CLOCK: variants seen among roughly 807,000 people sequenced by gnomAD.
CLOCK encodes clock circadian regulator, also known as circadian locomoter output cycles protein kaput.
Under a neutral mutation model 118.4 loss-of-function variants are expected in CLOCK, and 43 were observed. That is an observed-to-expected ratio of 0.36 (90% CI 0.28 to 0.47). The LOEUF (loss-of-function observed/expected upper bound fraction) is 0.47, where lower values mean the gene tolerates loss of function less well. CLOCK is among the 20% of genes least tolerant of loss of function. The pLI is 1.00. For missense variants in CLOCK, 846 were observed against 999.9 expected (o/e 0.85, Z 2.08); for synonymous variants, 326 against 339.2 (o/e 0.96, Z 0.43).
intron 1 of CLOCK, among the ~76,000 whole-genome samples, chr4:55,519,479 G>T (rs935496459): frequency 6.6e-6 from 1 of 152,136 alleles, no homozygotes. Flanking sequence ...CATAGTAGAG[G>T]CAGATCTTAA....
At chr4:55,488,029 T>C (rs1452357709) in intron 3 of CLOCK, among the ~76,000 whole-genome samples, 1 of 152,186 alleles carries the variant, frequency 6.6e-6, no homozygotes, top group Non-Finnish European at 1.5e-5. Flanking sequence ...CACTCTTAAT[T>C]AGGCTTTCAT....
Position 55,435,364 on chromosome 4 carries a change from T to C in CLOCK, c.*51A>G, listed in dbSNP as rs1722795813. On this transcript the variant is annotated 3_prime_UTR_variant, in exon 23 of 23. Transcript: ENST00000513440. Reference sequence around the variant, plus strand: ...TTTCCTCAGGTCATCTGAGTAACTCTTAATGGGCCATCCCCTTCCTCCCTT... The same window carrying C: ...TTTCCTCAGGTCATCTGAGTAACTCCTAATGGGCCATCCCCTTCCTCCCTT... 1.2e-6 allele frequency: 2 copies of C among 1,606,162 alleles called. No individual in the cohort carries two copies. Among genetic ancestry groups the C allele is most frequent in the Non-Finnish European group, 1.7e-6 (2 of 1,173,564 alleles).
In CLOCK at chr4:55,545,617, TG is replaced by T. The variant is rs138761939; in HGVS notation, c.-290+1164del. ...AATAGCAGGAAACCACAATCTGATT[TG>T]ATCTTTCATCTGCCAGGTCAGAGAC... On this transcript the variant is annotated intron_variant, in intron 1 of 22. Coordinates refer to ENST00000513440, the MANE Select transcript of CLOCK (RefSeq NM_004898.4). 8 of 152,348 alleles carry T rather than the reference TG, an allele frequency of 5.3e-5. No individual in the cohort carries two copies. The East Asian group carries it at 1.5e-3, about 29-fold the overall frequency. The allele number at this position is 152,348 out of a possible 1,614,324, so 9.4% of individuals were successfully genotyped here. A position where few individuals can be genotyped will look rare whatever the true frequency, so the allele number is the denominator to read the frequency against.
At chr4:55,489,026 T>C (rs2109939891) in intron 3 of CLOCK, among the ~76,000 whole-genome samples, 1 of 152,332 alleles carries the variant, frequency 6.6e-6, no homozygotes. Flanking sequence ...AGCCTTACAG[T>C]GCCCAGCCTT....
chr4:55,489,361 C>T lies in CLOCK; in HGVS notation c.-44+13G>A, dbSNP rs1290309014. 6.6e-6 allele frequency: 1 copy of T among 152,130 alleles called. No homozygotes were observed. Among genetic ancestry groups the T allele is most frequent in the Non-Finnish European group, 1.5e-5 (1 of 68,034 alleles). The allele number at this position is 152,130 out of a possible 1,614,324, so 9.4% of individuals were successfully genotyped here. On this transcript the variant is annotated intron_variant, in intron 3 of 22. Coordinates refer to ENST00000513440, the MANE Select transcript of CLOCK (RefSeq NM_004898.4). ...TCATTTTACGATGCATTCTAAGATG[C>T]ACCTTTCTTTACCTTTTGTACTCCT...
chr4:55,443,667 G>C lies in CLOCK; in HGVS notation c.1902+20C>G. On this transcript the variant is annotated intron_variant, in intron 20 of 22. Transcript: ENST00000513440. ...CCAACCACTGATCACTCCATAGCCC[G>C]CTGTGCTCAGTAACATTACCTGAGT... 1 of 1,594,086 alleles carries C rather than the reference G, an allele frequency of 6.3e-7. No homozygotes were observed. The highest frequency in any genetic ancestry group is 1.1e-5 in the South Asian group (1 of 90,662).
chr4:55,459,240 C>T lies in CLOCK; in HGVS notation c.581G>A (p.Cys194Tyr). ...YLKSKNQLEF[C>Y]CHMLRGTIDP... is the part of the protein sequence containing the mutation. ...TATTGTTCCTCGCAGCATGTGACAA[C>T]AGAATTCTAACTGATTTTTTGCTGA... Residue 194 changes from cysteine to tyrosine, a missense_variant, in exon 10 of 23, where the codon TGT becomes TAT. Cys to Tyr is a radical substitution (Grantham distance 194). Coordinates refer to ENST00000513440, the MANE Select transcript of CLOCK (RefSeq NM_004898.4). 6.2e-7 allele frequency: 1 copy of T among 1,609,474 alleles called. No homozygotes were observed.
Position 55,496,471 on chromosome 4 carries a change from TC to T in CLOCK, c.-135-7007del, listed in dbSNP as rs1199957540. The stretch of plus-strand genomic sequence containing the variant: ...TTCATGTTTCTCTAAACTCTAGCCT[TC>T]CTTTTGACCACTGAGTCCTTTATAC... On this transcript the variant is annotated intron_variant, in intron 2 of 22. Coordinates refer to ENST00000513440, the MANE Select transcript of CLOCK (RefSeq NM_004898.4). 2.6e-5 allele frequency among the ~76,000 whole-genome samples: 4 copies of T among 152,346 alleles called. No homozygotes were observed. In the East Asian group the frequency reaches 7.7e-4, roughly 29 times the overall value.
intron 1 of CLOCK, among the ~76,000 whole-genome samples, chr4:55,528,290 G>A (rs1427763161): frequency 6.6e-6 from 1 of 151,736 alleles, no homozygotes; most frequent in Non-Finnish European, 1.5e-5. Context: ...AGGTTGCAGT[G>A]AGCCGAGATC....
intron 7 of CLOCK, among the ~76,000 whole-genome samples, chr4:55,471,714 C>A (rs1369957279): frequency 6.6e-6 from 1 of 152,012 alleles, no homozygotes; most frequent in Non-Finnish European, 1.5e-5. Flanking sequence ...ATGAGATCTA[C>A]AAAAGACAAA....
intron 1 of CLOCK, among the ~76,000 whole-genome samples, chr4:55,541,336 T>C (rs571865891): frequency 1.3e-5 from 2 of 152,334 alleles, no homozygotes; most frequent in South Asian, 4.1e-4. Context: ...TTCATACAAC[T>C]CCATCTAGAA....
At chr4:55,462,480 T>C (rs1035686015) in intron 9 of CLOCK, among the ~76,000 whole-genome samples, 1 of 152,168 alleles carries the variant, frequency 6.6e-6, no homozygotes, top group Admixed American at 6.5e-5. Flanking sequence ...GGTTTCGCCA[T>C]GTTGGCCAGG....
At chr4:55,452,884 G>T (rs1296176671) in intron 15 of CLOCK, 170 bp downstream of exon 15, 2 of 525,516 alleles carry the variant, frequency 3.8e-6, no homozygotes, top group Non-Finnish European at 6.7e-6. Flanking sequence ...TTAGAGGCAG[G>T]TGAGACTCTA....
chr4:55,540,530 T>C (rs1731203138), intron 1 of CLOCK: 1 of 152,196 alleles, frequency 6.6e-6, no homozygotes, highest in Non-Finnish European at 1.5e-5. Context: ...TTTTAATTTT[T>C]TTTTGATACC....
chr4:55,458,032 G>A (rs1394503032), intron 11 of CLOCK, among the ~76,000 whole-genome samples: 1 of 152,112 alleles, frequency 6.6e-6, no homozygotes, highest in Non-Finnish European at 1.5e-5. Context: ...ACTGGCTTAA[G>A]ATCTTCTATT....
At chr4:55,492,361 A>AAAAAAAG (rs1727763321) in intron 2 of CLOCK, among the ~76,000 whole-genome samples, 1 of 151,790 alleles carries the variant, frequency 6.6e-6, no homozygotes. Context: ...TCATGATAAA[A>AAAAAAAG]AAAAAAAACG....
At position 55,542,364 on chromosome 4, in the gene CLOCK, ATAATAATAATAATAATAT is replaced by A. The variant is rs1345182440; in HGVS notation, c.-290+4400_-290+4417del. Among the ~76,000 whole-genome samples, 78 of 63,738 alleles carry A rather than the reference ATAATAATAATAATAATAT, an allele frequency of 1.2e-3. 1 individual carries two copies. The highest frequency in any genetic ancestry group is 4.7e-3 in the African/African-American group (68 of 14,614). The allele number at this position is 63,738 out of a possible 152,430, so 41.8% of individuals were successfully genotyped here. On this transcript the variant is annotated intron_variant, in intron 1 of 22. Coordinates refer to ENST00000513440, the MANE Select transcript of CLOCK (RefSeq NM_004898.4). ...GTCTCAAATAATAATAATAATAATAATAATAATAATAATAATATTATTATTATTATTATTATTAATGTC... is the reference window on the plus strand; with the variant it reads ...GTCTCAAATAATAATAATAATAATAATATTATTATTATTATTATTAATGTC...
rs71194572 is a variant in CLOCK at position 55,473,224 on chromosome 4, C to CAA, written c.349-2420_349-2419dup. On this transcript the variant is annotated intron_variant, in intron 7 of 22. Transcript: ENST00000513440. Reference sequence around the variant, plus strand: ...GGCGACTAAGCAAGACTCCGTCTCCCAAAAAAAAAAAAAGAAGACAAGTGT... The same window carrying CAA: ...GGCGACTAAGCAAGACTCCGTCTCCCAAAAAAAAAAAAAAAGAAGACAAGTGT... 2.2e-5 allele frequency among the ~76,000 whole-genome samples: 3 copies of CAA among 136,454 alleles called. No homozygotes were observed. The Admixed American group carries it at 2.2e-4, about 10-fold the overall frequency. The allele number at this position is 136,454 out of a possible 152,430, so 89.5% of individuals were successfully genotyped here. A position where few individuals can be genotyped will look rare whatever the true frequency, so the allele number is the denominator to read the frequency against.
At chr4:55,450,308 C>G in intron 15 of CLOCK, 76 bp from the exon 16 acceptor site, 1 of 1,574,900 alleles carries the variant, frequency 6.3e-7, no homozygotes, top group Non-Finnish European at 8.7e-7. Context: ...CTGTTAACAA[C>G]AACAAAAAAA....
Sources: allele counts gnomAD v4.1 joint callset (sites outside exome capture counted in the v4.1 genomes callset), GRCh38; gene constraint gnomAD v4.1.1; transcripts MANE v1.5; gene names NCBI Gene and HGNC (gene_info 2026-07-23, HGNC 2026-07-21).